WWTR1: variants seen among roughly 807,000 people sequenced by gnomAD.
WWTR1 encodes the protein WW domain-containing transcription regulator protein 1.
Under a neutral mutation model 40.1 loss-of-function variants are expected in WWTR1, and 13 were observed. The ratio of observed to expected loss-of-function variants is 0.32; its 90% CI spans 0.21 to 0.52. The LOEUF (loss-of-function observed/expected upper bound fraction) is 0.52, where lower values mean the gene tolerates loss of function less well. Among genes scored for constraint, WWTR1 ranks in the 20% least tolerant of loss-of-function variants. The pLI is 0.97. For synonymous variants in WWTR1, 230 were observed against 210.1 expected (o/e 1.09, Z -0.82); for missense variants, 436 against 523.1 (o/e 0.83, Z 1.63).
At chr3:149,623,045 A>G (rs934151272) in intron 2 of WWTR1, among the ~76,000 whole-genome samples, 2 of 152,152 alleles carry the variant, frequency 1.3e-5, no homozygotes, top group African/African-American at 2.4e-5. Context: ...TGAAGCACTC[A>G]GGATGCATCT....
In WWTR1 at chr3:149,542,480, T is replaced by C. The variant is rs771651376; in HGVS notation, c.626A>G (p.His209Arg). Residue 209 changes from histidine to arginine, a missense_variant, in exon 4 of 7, where the codon CAC becomes CGC. By Grantham distance (29) the His-to-Arg change is conservative. Coordinates refer to ENST00000360632, the MANE Select transcript of WWTR1 (RefSeq NM_015472.6). ...MAPSTLSQQN[H>R]PTQNPPAGLM... ...CCCTGCGGGTGGGTTCTGAGTGGGG[T>C]GGTTCTGCTGGCTCAGGGTACTGGG... 1 of 1,613,868 alleles carries C rather than the reference T, an allele frequency of 6.2e-7. No homozygotes were observed. The highest frequency in any genetic ancestry group is 1.1e-5 in the South Asian group (1 of 91,040).
intron 1 of WWTR1, among the ~76,000 whole-genome samples, chr3:149,682,168 A>G (rs1714477474): frequency 6.6e-6 from 1 of 152,174 alleles, no homozygotes; most frequent in Admixed American, 6.5e-5. Context: ...GACCCCTGGG[A>G]GTCAGGTCTC....
At chr3:149,630,457 G>A (rs1260589335) in intron 2 of WWTR1, among the ~76,000 whole-genome samples, 1 of 152,108 alleles carries the variant, frequency 6.6e-6, no homozygotes, top group Non-Finnish European at 1.5e-5. Context: ...TCTCCTAGCT[G>A]GCCACCTCAT....
chr3:149,724,496 C>A (rs1041719217), intron 3 of WWTR1, among the ~76,000 whole-genome samples: 2 of 60,806 alleles, frequency 3.3e-5, no homozygotes, highest in Non-Finnish European at 8.0e-5. Context: ...CCCCCAGACT[C>A]CTTAAAAAAA....
chr3:149,668,613 A>AAAAAAAAACAAC (rs548038608), intron 2 of WWTR1, among the ~76,000 whole-genome samples: 1 of 147,518 alleles, frequency 6.8e-6, no homozygotes, highest in African/African-American at 2.5e-5. Context: ...GTCTCAAAAA[A>AAAAAAAAACAAC]AACAACAAAA....
intron 2 of WWTR1, among the ~76,000 whole-genome samples, chr3:149,606,276 G>A (rs1286487089): frequency 1.3e-5 from 2 of 152,202 alleles, no homozygotes; most frequent in African/African-American, 4.8e-5. Flanking sequence ...TCATGCATAT[G>A]TATTTTCCTG....
Position 149,552,353 on chromosome 3 carries a change from A to C in WWTR1, c.569-9816T>G, listed in dbSNP as rs1215598341. Among the ~76,000 whole-genome samples, 13 of 109,124 alleles carry C rather than the reference A, an allele frequency of 1.2e-4. 1 individual carries two copies. Among genetic ancestry groups the C allele is most frequent in the East Asian group, 5.7e-4 (2 of 3,482 alleles). The allele number at this position is 109,124 out of a possible 152,430, so 71.6% of individuals were successfully genotyped here. On this transcript the variant is annotated intron_variant, in intron 3 of 6. Transcript: ENST00000360632. ...GCACTAAATACATTCTCCCCAAAGTAAGGTTAAGGGAGGTTAGAAATTGGT... is the reference window on the plus strand; with the variant it reads ...GCACTAAATACATTCTCCCCAAAGTCAGGTTAAGGGAGGTTAGAAATTGGT...
chr3:149,628,144 G>A (rs1740664224), intron 2 of WWTR1, among the ~76,000 whole-genome samples: 1 of 151,548 alleles, frequency 6.6e-6, no homozygotes, highest in South Asian at 2.1e-4. Context: ...GTCGAGGTGG[G>A]CATACCACTA....
intron 1 of WWTR1, among the ~76,000 whole-genome samples, chr3:149,699,541 C>G (rs951645511): frequency 3.3e-5 from 5 of 152,160 alleles, no homozygotes; most frequent in African/African-American, 1.2e-4. Flanking sequence ...TATCTGCCTG[C>G]CTTGACCTCC....
intron 2 of WWTR1, among the ~76,000 whole-genome samples, chr3:149,622,013 T>C (rs1361126278): frequency 6.6e-6 from 1 of 152,184 alleles, no homozygotes; most frequent in East Asian, 1.9e-4. Context: ...TTGGTAGAGA[T>C]TATGAATCCA....
At chr3:149,527,995 TCATGCACTCATTGTCACAAGG>T in intron 4 of WWTR1, 26 bp from the exon 5 acceptor site, 1 of 1,602,458 alleles carries the variant, frequency 6.2e-7, no homozygotes, top group African/African-American at 1.3e-5. Context: ...GAAGCAAGAG[TCATGCACTCATTGTCACAAGG>T]CATGGAGCAA....
intron 1 of WWTR1, among the ~76,000 whole-genome samples, chr3:149,698,532 C>G (rs1273874995): frequency 6.6e-6 from 1 of 152,236 alleles, no homozygotes; most frequent in African/African-American, 2.4e-5. Context: ...CCCCCACCAA[C>G]AGCTCCATGA....
At chr3:149,705,208 G>T (rs1236043929), upstream of WWTR1, among the ~76,000 whole-genome samples, 2 of 151,936 alleles carry the variant, frequency 1.3e-5, no homozygotes, top group African/African-American at 4.8e-5. Flanking sequence ...GAAAGAAAGA[G>T]AACAGAAAAA....
intron 2 of WWTR1, among the ~76,000 whole-genome samples, chr3:149,655,394 G>A (rs944657762): frequency 1.2e-4 from 18 of 150,984 alleles, no homozygotes; most frequent in Admixed American, 5.3e-4. Context: ...GCAGTGAGCC[G>A]AGATTGTGCC....
intron 2 of WWTR1, among the ~76,000 whole-genome samples, chr3:149,647,200 G>A (rs926411814): frequency 5.9e-5 from 9 of 152,240 alleles, no homozygotes; most frequent in African/African-American, 1.9e-4. Context: ...AGGGGGACAA[G>A]AGGACTGGAG....
chr3:149,659,331 A>ATTTTTTTTTTTTTTTTTTTTTTT (rs71138403), upstream of WWTR1: 24 of 106,460 alleles, frequency 2.3e-4, 3 homozygotes, highest in African/African-American at 8.5e-4. Context: ...TTGTGCCTTA[A>ATTTTTTTTTTTTTTTTTTTTTTT]TTTTTTTTTT....
intron 3 of WWTR1, 91 bp downstream of exon 3, chr3:149,572,773 C>G: frequency 6.8e-7 from 1 of 1,460,918 alleles, no homozygotes; most frequent in Non-Finnish European, 9.2e-7. Flanking sequence ...TTTGAGCCCA[C>G]GAGTTCAACA....
At chr3:149,703,797 C>T (rs1483952529), upstream of WWTR1, among the ~76,000 whole-genome samples, 1 of 152,208 alleles carries the variant, frequency 6.6e-6, no homozygotes. Context: ...TTTGCTCCCT[C>T]TTTGCCATGT....
intron 3 of WWTR1, among the ~76,000 whole-genome samples, chr3:149,555,032 AT>A (rs1341230293): frequency 6.6e-6 from 1 of 152,204 alleles, no homozygotes; most frequent in African/African-American, 2.4e-5. Context: ...TGATTCATGC[AT>A]TTATTTTTCT....
Sources: allele counts gnomAD v4.1 joint callset (sites outside exome capture counted in the v4.1 genomes callset), GRCh38; gene constraint gnomAD v4.1.1; transcripts MANE v1.5; gene names NCBI Gene and HGNC (gene_info 2026-07-23, HGNC 2026-07-21).